Variants in LINS1 observed in about 807,000 individuals in gnomAD.
LINS1 encodes the protein protein Lines homolog 1.
A neutral mutation model predicts 41.6 loss-of-function variants in LINS1; 27 were observed. The ratio of observed to expected loss-of-function variants is 0.65; its 90% CI spans 0.48 to 0.89. LINS1 has a LOEUF of 0.89. LINS1 is among the 40% of genes least tolerant of loss of function. The probability of loss-of-function intolerance (pLI) is 0.00; values close to 1 mark genes in which losing one functional copy is unlikely to be tolerated. For missense variants in LINS1, 955 were observed against 884.1 expected (o/e 1.08, Z -1.02); for synonymous variants, 336 against 312.9 (o/e 1.07, Z -0.78).
intron 3 of LINS1, 121 bp downstream of exon 3, chr15:100,580,142 T>C: frequency 1.3e-6 from 1 of 781,762 alleles, no homozygotes; most frequent in Non-Finnish European, 2.1e-6. Context: ...GGAGGATTGC[T>C]TGAGCCCAGA....
At chr15:100,575,222 G>T in intron 3 of LINS1, 94 bp from the exon 4 acceptor site, 1 of 1,124,226 alleles carries the variant, frequency 8.9e-7, no homozygotes, top group Non-Finnish European at 1.3e-6. Flanking sequence ...TTGGCCAAAA[G>T]AAGTATGATA....
rs751264770 is a variant in LINS1, at chr15:100,569,651, G to T, written c.1861C>A (p.Arg621=). 6.2e-7 allele frequency: 1 copy of T among 1,610,588 alleles called. No individual in the cohort carries two copies. Among genetic ancestry groups the T allele is most frequent in the East Asian group, 2.2e-5 (1 of 44,854 alleles). ...TAATCTACCAGACTTTGAGAGGCCCGGGGGGAAGACAGACTAGAAGCACAC... is the reference window on the plus strand; with the variant it reads ...TAATCTACCAGACTTTGAGAGGCCCTGGGGGAAGACAGACTAGAAGCACAC... ...TMCASSLSSP[R]ASQSLVDYDS... The change falls in exon 7 of 7, where the codon CGG becomes AGG. Residue 621 remains arginine, a synonymous_variant. Coordinates refer to ENST00000314742, the MANE Select transcript of LINS1 (RefSeq NM_001040616.3).
intron 1 of LINS1, among the ~76,000 whole-genome samples, chr15:100,594,732 C>T (rs548593567): frequency 6.6e-6 from 1 of 152,216 alleles, no homozygotes; most frequent in East Asian, 1.9e-4. Context: ...ATGTTCAGTG[C>T]CAACTCTGAG....
chr15:100,594,396 T>C (rs980659013), intron 1 of LINS1, among the ~76,000 whole-genome samples: 1 of 152,138 alleles, frequency 6.6e-6, no homozygotes, highest in African/African-American at 2.4e-5. Context: ...ACGAATCTTG[T>C]GGGATCAAAT....
intron 1 of LINS1, among the ~76,000 whole-genome samples, chr15:100,587,182 A>AAAAAAAAAAAAAAAAAG (rs1555434011): frequency 8.0e-6 from 1 of 124,376 alleles, no homozygotes; most frequent in South Asian, 2.5e-4. Context: ...AAAAAAAAAA[A>AAAAAAAAAAAAAAAAAG]CATTAGCAGT....
chr15:100,584,313 C>G (rs2038701827), intron 1 of LINS1, among the ~76,000 whole-genome samples: 1 of 152,100 alleles, frequency 6.6e-6, no homozygotes, highest in African/African-American at 2.4e-5. Context: ...TCACTAAGTC[C>G]TTAAATTTTA....
In LINS1 at chr15:100,570,087, C is replaced by T; in HGVS notation, c.1425G>A (p.Gln475=). The T allele has an allele frequency of 6.3e-7, 1 of 1,585,954 alleles. No individual in the cohort carries two copies. The highest frequency in any genetic ancestry group is 8.5e-7 in the Non-Finnish European group (1 of 1,174,382). Reference sequence around the variant, plus strand: ...TGTGATGGTCCCACATTTCTTTTCCCTGAGTCAAGCTTTCAGTGGCTTCAC... The same window carrying T: ...TGTGATGGTCCCACATTTCTTTTCCTTGAGTCAAGCTTTCAGTGGCTTCAC... ...RGCEATESLT[Q]GKEMWDHHTH... Residue 475 remains glutamine (Q), a synonymous_variant, in exon 7 of 7, where the codon CAG becomes CAA. Coordinates refer to ENST00000314742, the MANE Select transcript of LINS1 (RefSeq NM_001040616.3).
At chr15:100,580,038 A>G (rs924209797) in intron 3 of LINS1, among the ~76,000 whole-genome samples, 1 of 152,194 alleles carries the variant, frequency 6.6e-6, no homozygotes, top group African/African-American at 2.4e-5. Flanking sequence ...GTAAAAATCA[A>G]ATGTCAAAGA....
At chr15:100,575,639 T>C (rs1180528942) in intron 3 of LINS1, among the ~76,000 whole-genome samples, 3 of 152,112 alleles carry the variant, frequency 2.0e-5, no homozygotes, top group Non-Finnish European at 1.5e-5. Context: ...AACAAGGATA[T>C]CCAGGAATTG....
In LINS1 at chr15:100,568,439, A is replaced by T. The variant is rs1291289525; in HGVS notation, c.*799T>A. On this transcript the variant is annotated 3_prime_UTR_variant, in exon 7 of 7. Transcript: ENST00000314742. ...GATGTCCTTGTAGGAGGGAAACTGG[A>T]CACAGACACAGGAAAATGCCATGTG... The T allele has an allele frequency of 6.6e-6, 1 of 152,248 alleles. No individual in the cohort carries two copies. The highest frequency in any genetic ancestry group is 1.5e-5 in the Non-Finnish European group (1 of 68,084). The allele number at this position is 152,248 out of a possible 1,614,324, so 9.4% of individuals were successfully genotyped here.
intron 3 of LINS1, among the ~76,000 whole-genome samples, chr15:100,577,532 A>G (rs529132913): frequency 6.6e-6 from 1 of 152,238 alleles, no homozygotes; most frequent in Non-Finnish European, 1.5e-5. Context: ...GAGGACACAA[A>G]CAAATGGAAG....
At chr15:100,574,343 A>C (rs1323199990) in intron 4 of LINS1, 102 bp from the exon 5 acceptor site, 6 of 811,568 alleles carry the variant, frequency 7.4e-6, no homozygotes, top group African/African-American at 1.7e-5. Flanking sequence ...ATGAAAAAAC[A>C]GATTTGGAAT....
intron 1 of LINS1, among the ~76,000 whole-genome samples, chr15:100,592,554 T>G (rs2039083957): frequency 6.6e-6 from 1 of 150,972 alleles, no homozygotes; most frequent in African/African-American, 2.4e-5. Context: ...ATCACCTCAT[T>G]AACATAACCT....
intron 1 of LINS1, among the ~76,000 whole-genome samples, chr15:100,594,333 C>T (rs984341773): frequency 2.0e-5 from 3 of 152,192 alleles, no homozygotes; most frequent in Non-Finnish European, 2.9e-5. Context: ...CCAGAATCAA[C>T]AGGCCAGCAT....
At chr15:100,573,599 G>A (rs1012614680) in intron 5 of LINS1, 52 bp downstream of exon 5, 2 of 1,096,844 alleles carry the variant, frequency 1.8e-6, no homozygotes, top group South Asian at 1.3e-5. Flanking sequence ...ATGAATTACT[G>A]TACTTAAGTA....
chr15:100,596,458 T>C (rs28496973), intron 1 of LINS1, among the ~76,000 whole-genome samples: 6,499 of 152,302 alleles, frequency 0.043, 153 homozygotes, highest in Middle Eastern at 0.085. Flanking sequence ...TTTTTTGGCA[T>C]GAAGGAAAAG....
At chr15:100,582,974 A>G (rs563438443) in intron 1 of LINS1, among the ~76,000 whole-genome samples, 75 of 142,032 alleles carry the variant, frequency 5.3e-4, no homozygotes, top group African/African-American at 1.9e-3. Flanking sequence ...TGGGTCTTCC[A>G]TCTACACTAC....
chr15:100,594,224 T>C (rs1353898054), intron 1 of LINS1, among the ~76,000 whole-genome samples: 3 of 152,232 alleles, frequency 2.0e-5, no homozygotes, highest in Non-Finnish European at 2.9e-5. Flanking sequence ...TGTATTGTTA[T>C]TTTTTATTTT....
chr15:100,586,931 C>T (rs115750284), intron 1 of LINS1, among the ~76,000 whole-genome samples: 3,583 of 151,934 alleles, frequency 0.024, 127 homozygotes, highest in African/African-American at 0.079. Context: ...GGAGCCAAGG[C>T]GGGCAGATCA....
Sources: allele counts gnomAD v4.1 joint callset (sites outside exome capture counted in the v4.1 genomes callset), GRCh38; gene constraint gnomAD v4.1.1; transcripts MANE v1.5; gene names NCBI Gene and HGNC (gene_info 2026-07-23, HGNC 2026-07-21).